The following FAM174C variants were observed in gnomAD, a reference collection of about 807,000 sequenced individuals.
The protein encoded by FAM174C is protein FAM174C.
In FAM174C, 19 loss-of-function variants were observed where a neutral mutation model predicts 12.3. That is an observed-to-expected ratio of 1.55 (90% CI 1.08 to 2.27). FAM174C has a LOEUF of 2.27. Ranked by LOEUF, FAM174C falls within the 30% of genes most tolerant of loss-of-function variation. FAM174C has a pLI of 0.00. For synonymous variants in FAM174C, 147 were observed against 103.5 expected (o/e 1.42, Z -2.55); for missense variants, 239 against 190.2 (o/e 1.26, Z -1.51).
chr19:1,276,024 C>A (rs1001810716), intron 1 of FAM174C, 194 bp downstream of exon 1: 1 of 568,578 alleles, frequency 1.8e-6, no homozygotes. Context: ...GGGACTCACC[C>A]GCTCTCCAGC....
chr19:1,277,969 T>G (rs911246597), intron 2 of FAM174C: 1 of 152,534 alleles, frequency 6.6e-6, no homozygotes, highest in Non-Finnish European at 1.5e-5. Flanking sequence ...GAGACAGGGT[T>G]TCACCATGTT....
At chr19:1,276,091 G>GT (rs2081413297) in intron 1 of FAM174C, 1 of 500,836 alleles carries the variant, frequency 2.0e-6, no homozygotes, top group Non-Finnish European at 3.5e-6. Flanking sequence ...GGGTGACGCT[G>GT]CCCGTTTCCC....
Position 1,275,740 on chromosome 19 carries a change from G to C in FAM174C, c.191G>C (p.Gly64Ala), listed in dbSNP as rs1347830048. 6.5e-7 allele frequency: 1 copy of C among 1,534,574 alleles called. No homozygotes were observed. The highest frequency in any genetic ancestry group is 8.7e-7 in the Non-Finnish European group (1 of 1,144,438). ...PHNSTHTRPP[G>A]ASGSALTRSF... ...AACAGCACGCACACGCGTCCGCCGG[G>C]GGCGTCGGGCTCGGCGCTGACGCGC... The change falls in exon 1 of 3, where the codon GGG becomes GCG. Residue 64 changes from glycine (G) to alanine (A), a missense_variant. Coordinates refer to ENST00000409293, the MANE Select transcript of FAM174C (RefSeq NM_017914.4).
chr19:1,277,045 G>C, intron 1 of FAM174C, 138 bp from the exon 2 acceptor site: 1 of 1,318,338 alleles, frequency 7.6e-7, no homozygotes, highest in East Asian at 2.6e-5. Context: ...GGACATGAAA[G>C]AAGCAGGCAC....
intron 1 of FAM174C, 145 bp from the exon 2 acceptor site, chr19:1,277,038 C>T: frequency 7.9e-7 from 1 of 1,265,296 alleles, no homozygotes; most frequent in East Asian, 2.6e-5. Flanking sequence ...GCGATTAGGA[C>T]ATGAAAGAAG....
chr19:1,278,960 A>T lies in FAM174C; in HGVS notation c.*183A>T. 1 of 1,612,650 alleles carries T rather than the reference A, an allele frequency of 6.2e-7. No individual in the cohort carries two copies. The highest frequency in any genetic ancestry group is 8.5e-7 in the Non-Finnish European group (1 of 1,179,916). The stretch of plus-strand genomic sequence containing the variant: ...CTGCACAGCCCGCCGACCTGTTGCC[A>T]CCTGCACCCACCGCTGGACCATGCA... On this transcript the variant is annotated 3_prime_UTR_variant, in exon 3 of 3. Coordinates refer to ENST00000409293, the MANE Select transcript of FAM174C (RefSeq NM_017914.4).
chr19:1,275,913 TCCTCC>T, intron 1 of FAM174C, 83 bp downstream of exon 1: 1 of 1,302,580 alleles, frequency 7.7e-7, no homozygotes, highest in Non-Finnish European at 1.1e-6. Context: ...GGCCGCGGGG[TCCTCC>T]CCTCCCTCCC....
At chr19:1,275,983 C>G (rs556155034) in intron 1 of FAM174C, 153 bp downstream of exon 1, 1 of 737,386 alleles carries the variant, frequency 1.4e-6, no homozygotes, top group Admixed American at 2.8e-5. Context: ...TGTGCGGGGT[C>G]GTCACGTGGT....
At chr19:1,276,099 C>T (rs912400982) in intron 1 of FAM174C, 95 of 492,290 alleles carry the variant, frequency 1.9e-4, no homozygotes, top group Non-Finnish European at 3.2e-4. Context: ...CTGCCCGTTT[C>T]CCAGGTGGGG....
At chr19:1,277,380 G>A in intron 2 of FAM174C, 81 bp downstream of exon 2, 4 of 1,488,106 alleles carry the variant, frequency 2.7e-6, no homozygotes, top group Non-Finnish European at 3.6e-6. Context: ...ACTTGGCCAA[G>A]CCATGGAGTG....
Position 1,279,095 on chromosome 19 carries a change from C to T in FAM174C, c.*318C>T, listed in dbSNP as rs1568850290. 1.2e-6 allele frequency: 2 copies of T among 1,612,756 alleles called. No homozygotes were observed. Among genetic ancestry groups the T allele is most frequent in the East Asian group, 2.2e-5 (1 of 44,892 alleles). ...CTGAGGCTCCCTTGCCTGACTGTGA[C>T]TTGTGCCTCTCTCCTGCCCCCGTGG... is the stretch of plus-strand genomic sequence containing the variant. On this transcript the variant is annotated 3_prime_UTR_variant, in exon 3 of 3. Coordinates refer to ENST00000409293, the MANE Select transcript of FAM174C (RefSeq NM_017914.4).
intron 1 of FAM174C, 100 bp downstream of exon 1, chr19:1,275,930 C>T (rs1200483088): frequency 1.9e-6 from 2 of 1,047,888 alleles, no homozygotes; most frequent in Non-Finnish European, 2.8e-6. Flanking sequence ...CTCCCTCCCT[C>T]CCTCCCTCCC....
intron 1 of FAM174C, 115 bp downstream of exon 1, chr19:1,275,945 T>G (rs2081412286): frequency 1.0e-6 from 1 of 973,984 alleles, no homozygotes; most frequent in Non-Finnish European, 1.5e-6. Context: ...CCTCCCTCTC[T>G]CCCTGTTGGA....
Position 1,275,744 on chromosome 19 carries a change from G to T in FAM174C, c.195G>T (p.Ala65=). Residue 65 remains alanine (A), a synonymous_variant, in exon 1 of 3, where the codon GCG becomes GCT. Coordinates refer to ENST00000409293, the MANE Select transcript of FAM174C (RefSeq NM_017914.4). ...HNSTHTRPPG[A]SGSALTRSFY... ...GCACGCACACGCGTCCGCCGGGGGC[G>T]TCGGGCTCGGCGCTGACGCGCTCCT... 6.5e-7 allele frequency: 1 copy of T among 1,534,726 alleles called. No individual in the cohort carries two copies. Among genetic ancestry groups the T allele is most frequent in the Non-Finnish European group, 8.7e-7 (1 of 1,144,422 alleles).
intron 2 of FAM174C, 149 bp downstream of exon 2, chr19:1,277,448 C>T (rs1363606085): frequency 1.7e-5 from 21 of 1,239,174 alleles, no homozygotes; most frequent in Non-Finnish European, 2.0e-5. Context: ...GGGCAGGGCT[C>T]ATCCCTTCTC....
At position 1,278,823 on chromosome 19, in the gene FAM174C, C is replaced by T. The variant is rs765090376; in HGVS notation, c.*46C>T. ...CCTTCCAGCAGCCATGAGGGAAGGA[C>T]AGGAGATGGGGCCCACCCCAGTGCC... is the stretch of plus-strand genomic sequence containing the variant. On this transcript the variant is annotated 3_prime_UTR_variant, in exon 3 of 3. Coordinates refer to ENST00000409293, the MANE Select transcript of FAM174C (RefSeq NM_017914.4). 6.2e-7 allele frequency: 1 copy of T among 1,613,082 alleles called. No homozygotes were observed.
rs757134750 is a variant in FAM174C at position 1,278,763 on chromosome 19, C to T, written c.*-14C>T. ...TTCACTCCTTCCCTCTCACCCTTGA[C>T]CCCCTGCTTTCAGATGCTGAGCCAG... On this transcript the variant is annotated splice_polypyrimidine_tract_variant and intron_variant, in intron 2 of 2. Transcript: ENST00000409293. 2.4e-5 allele frequency: 38 copies of T among 1,612,042 alleles called. No individual in the cohort carries two copies. Among genetic ancestry groups the T allele is most frequent in the Non-Finnish European group, 2.5e-5 (30 of 1,179,784 alleles).
intron 1 of FAM174C, 46 bp from the exon 2 acceptor site, chr19:1,277,137 G>T: frequency 6.6e-7 from 1 of 1,512,472 alleles, no homozygotes; most frequent in Non-Finnish European, 9.0e-7. Context: ...GGAGGAGGCA[G>T]GGTTGGCGGG....
At chr19:1,276,082 G>A (rs2081413202) in intron 1 of FAM174C, 1 of 513,114 alleles carries the variant, frequency 1.9e-6, no homozygotes, top group Non-Finnish European at 3.4e-6. Context: ...TTAACTCGGG[G>A]GTGACGCTGC....
Sources: gnomAD v4.1 joint callset for allele counts on GRCh38, gnomAD v4.1.1 for gene constraint, MANE v1.5 for transcripts, NCBI Gene and HGNC (gene_info 2026-07-23, HGNC 2026-07-21) for gene names.